WWC1: variants seen among roughly 807,000 people sequenced by gnomAD.
WWC1 encodes the protein protein KIBRA.
WWC1 carries 55 observed loss-of-function variants against 138.4 expected under a neutral mutation model. That is an observed-to-expected ratio of 0.40 (90% CI 0.32 to 0.50). The LOEUF (loss-of-function observed/expected upper bound fraction) is 0.50, where lower values mean the gene tolerates loss of function less well. WWC1 is among the 20% of genes least tolerant of loss of function. The probability of loss-of-function intolerance (pLI) is 0.72; values close to 1 mark genes in which losing one functional copy is unlikely to be tolerated. For missense variants in WWC1, 1,226 were observed against 1,420.4 expected, an observed-to-expected ratio of 0.86 and a Z score of 2.20; for synonymous variants, 524 against 564.9, an observed-to-expected ratio of 0.93 and a Z score of 1.03.
chr5:168,344,538 G>C (rs967511555), intron 1 of WWC1, among the ~76,000 whole-genome samples: 1 of 152,242 alleles, frequency 6.6e-6, no homozygotes, highest in Non-Finnish European at 1.5e-5. Context: ...AGATGTATAT[G>C]TGTGGGATAA....
At chr5:168,364,186 A>G (rs972543905) in intron 1 of WWC1, among the ~76,000 whole-genome samples, 2 of 152,020 alleles carry the variant, frequency 1.3e-5, no homozygotes, top group East Asian at 3.9e-4. Context: ...TACATAACCC[A>G]CCTACAGTTC....
At position 168,409,984 on chromosome 5, in the gene WWC1, G is replaced by T. The variant is rs1780100146; in HGVS notation, c.930G>T (p.Glu310Asp). ...EKVRLRLRYE[E>D]AKRRIANLKI... ...TCAGATTGCGCCTTCGATATGAAGA[G>T]GCTAAGAGAAGGTAATTGGGCTGGG... The change falls in exon 8 of 23, where the codon GAG (glutamate) becomes GAT (aspartate). Residue 310 changes from glutamate (E) to aspartate (D), a missense_variant. By Grantham distance (45) the Glu-to-Asp change is conservative. Transcript: ENST00000265293. 1 of 1,613,860 alleles carries T rather than the reference G, an allele frequency of 6.2e-7. No individual in the cohort carries two copies. The highest frequency in any genetic ancestry group is 8.5e-7 in the Non-Finnish European group (1 of 1,179,898).
intron 1 of WWC1, among the ~76,000 whole-genome samples, chr5:168,295,483 C>CGTGT (rs3138761): frequency 0.1 from 14,497 of 142,418 alleles, 881 homozygotes; most frequent in South Asian, 0.15. Context: ...ATTTCTACTC[C>CGTGT]GTGTGTGTGT....
chr5:168,412,213 A>G, intron 8 of WWC1: 2 of 984,334 alleles, frequency 2.0e-6, no homozygotes, highest in Non-Finnish European at 2.4e-6. Flanking sequence ...TTCCTAGCTC[A>G]TCTGACTTTA....
intron 1 of WWC1, among the ~76,000 whole-genome samples, chr5:168,367,691 G>T (rs987175858): frequency 2.0e-5 from 3 of 152,132 alleles, no homozygotes; most frequent in African/African-American, 7.2e-5. Flanking sequence ...TATACCTGTG[G>T]TGTTTACTAA....
chr5:168,380,353 TC>T (rs1218664138), intron 2 of WWC1, among the ~76,000 whole-genome samples: 1 of 152,000 alleles, frequency 6.6e-6, no homozygotes, highest in Non-Finnish European at 1.5e-5. Context: ...TGCCAAGTAG[TC>T]CCAGCTACTT....
intron 3 of WWC1, among the ~76,000 whole-genome samples, chr5:168,396,049 G>C (rs375734334): frequency 6.6e-6 from 1 of 152,158 alleles, no homozygotes; most frequent in African/African-American, 2.4e-5. Flanking sequence ...GAAAAACCCA[G>C]ATCTCAGCAG....
In WWC1 at chr5:168,444,643, A is replaced by G. The variant is rs1232782775; in HGVS notation, c.2525+58A>G. ...GCCCTGCCTGGACCTAGGCCCAGCA[A>G]TGAGATCCCCCAATGCCAGTGCAAC... On this transcript the variant is annotated intron_variant, in intron 17 of 22. Transcript: ENST00000265293. 8 of 1,578,402 alleles carry G rather than the reference A, an allele frequency of 5.1e-6. No individual in the cohort carries two copies. The Admixed American group carries it at 8.4e-5, about 16-fold the overall frequency.
At chr5:168,361,309 G>A (rs979924766) in intron 1 of WWC1, among the ~76,000 whole-genome samples, 4 of 152,118 alleles carry the variant, frequency 2.6e-5, no homozygotes, top group African/African-American at 7.2e-5. Context: ...GGTTGAGCAG[G>A]GTGAGGAGCA....
intron 1 of WWC1, among the ~76,000 whole-genome samples, chr5:168,338,423 T>TG (rs34581093): frequency 0.23 from 33,874 of 148,816 alleles, 4,069 homozygotes; most frequent in African/African-American, 0.25. Flanking sequence ...TCTTTTTTTT[T>TG]GGGGGGGGAT....
intron 1 of WWC1, among the ~76,000 whole-genome samples, chr5:168,351,609 C>T (rs1300612663): frequency 6.6e-6 from 1 of 152,128 alleles, no homozygotes; most frequent in East Asian, 1.9e-4. Context: ...TCTCCTGGGG[C>T]CTGGCAAAGG....
At chr5:168,452,335 A>T (rs573401358) in intron 17 of WWC1, among the ~76,000 whole-genome samples, 1 of 152,166 alleles carries the variant, frequency 6.6e-6, no homozygotes, top group South Asian at 2.1e-4. Context: ...TCAGAATGTG[A>T]CTGTATTTGG....
chr5:168,459,032 T>A (rs375723464), intron 19 of WWC1, among the ~76,000 whole-genome samples: 20 of 151,856 alleles, frequency 1.3e-4, no homozygotes, highest in African/African-American at 4.8e-4. Context: ...GATGGGAGGA[T>A]CACTTGAGCC....
Position 168,355,507 on chromosome 5 carries a change from A to C in WWC1, c.120-15917A>C, listed in dbSNP as rs978560574. On this transcript the variant is annotated intron_variant, in intron 1 of 22. Transcript: ENST00000265293. ...GAGACTCCGTCTCAAAAAAAAAAAAAAAAAAAAAAAAACAGCATTTCAACT... is the reference window on the plus strand; with the variant it reads ...GAGACTCCGTCTCAAAAAAAAAAAACAAAAAAAAAAAACAGCATTTCAACT... Among the ~76,000 whole-genome samples, 449 of 151,420 alleles carry C rather than the reference A, an allele frequency of 3.0e-3. 2 individuals carry two copies. Among genetic ancestry groups the C allele is most frequent in the African/African-American group, 9.4e-3 (386 of 41,092 alleles).
chr5:168,294,743 A>G (rs890228359), intron 1 of WWC1, among the ~76,000 whole-genome samples: 10 of 152,098 alleles, frequency 6.6e-5, no homozygotes, highest in African/African-American at 9.7e-5. Context: ...CTCCTGCCTC[A>G]ACCTCCCGAG....
At chr5:168,335,525 G>A (rs543490734) in intron 1 of WWC1, among the ~76,000 whole-genome samples, 64 of 152,344 alleles carry the variant, frequency 4.2e-4, no homozygotes, top group African/African-American at 1.5e-3. Flanking sequence ...TCTCATTTGA[G>A]CTGGACCTCC....
intron 2 of WWC1, among the ~76,000 whole-genome samples, chr5:168,374,241 CAA>C (rs1332662397): frequency 7.9e-5 from 12 of 151,844 alleles, no homozygotes; most frequent in Admixed American, 5.9e-4. Context: ...GCAGGAGAGA[CAA>C]AAAATAAATA....
At chr5:168,334,424 T>C (rs1179269852) in intron 1 of WWC1, among the ~76,000 whole-genome samples, 3 of 152,132 alleles carry the variant, frequency 2.0e-5, no homozygotes, top group Admixed American at 2.0e-4. Context: ...TGCTGGCCTC[T>C]CTAACCGGAG....
intron 1 of WWC1, among the ~76,000 whole-genome samples, chr5:168,363,962 G>T (rs769581953): frequency 6.6e-6 from 1 of 152,106 alleles, no homozygotes; most frequent in Non-Finnish European, 1.5e-5. Context: ...GATAGCTCAC[G>T]TGTTAAGGAT....
Sources: gnomAD v4.1 joint callset for allele counts (sites outside exome capture counted in the v4.1 genomes callset) on GRCh38, gnomAD v4.1.1 for gene constraint, MANE v1.5 for transcripts, NCBI Gene and HGNC (gene_info 2026-07-23, HGNC 2026-07-21) for gene names.